The following PCDH7 variants were observed in gnomAD, a reference collection of about 807,000 sequenced individuals.
PCDH7 encodes protocadherin-7.
In PCDH7, 17 loss-of-function variants were observed where a neutral mutation model predicts 58.9. The observed-to-expected ratio is 0.29, with a 90% CI of 0.20 to 0.43. PCDH7 has a LOEUF of 0.43. Among genes scored for constraint, PCDH7 ranks in the 20% least tolerant of loss-of-function variants. The pLI, the probability that PCDH7 is intolerant of heterozygous loss-of-function variation, is 1.00. For synonymous variants in PCDH7, 664 were observed against 616.4 expected, an observed-to-expected ratio of 1.08 and a Z score of -1.14; for missense variants, 1,274 against 1,441.0, an observed-to-expected ratio of 0.88 and a Z score of 1.88.
At chr4:30,878,170 G>T (rs1396217988) in intron 1 of PCDH7, among the ~76,000 whole-genome samples, 6 of 152,016 alleles carry the variant, frequency 3.9e-5, no homozygotes, top group Admixed American at 1.3e-4. Flanking sequence ...TGGTGCAATG[G>T]GTTGACTCTA....
intron 1 of PCDH7, among the ~76,000 whole-genome samples, chr4:30,809,637 A>G (rs1197466591): frequency 1.3e-5 from 2 of 152,176 alleles, no homozygotes; most frequent in Non-Finnish European, 2.9e-5. Context: ...CTGAGGAAAA[A>G]CAATTTGTAG....
At chr4:30,914,826 G>A (rs1742221443) in intron 1 of PCDH7, among the ~76,000 whole-genome samples, 1 of 152,094 alleles carries the variant, frequency 6.6e-6, no homozygotes, top group African/African-American at 2.4e-5. Flanking sequence ...TACATACCCT[G>A]AGCCTAAGGC....
intron 1 of PCDH7, among the ~76,000 whole-genome samples, chr4:30,878,188 AG>A (rs1736526908): frequency 6.6e-6 from 1 of 152,114 alleles, no homozygotes; most frequent in Admixed American, 6.6e-5. Flanking sequence ...CTATGATTTT[AG>A]GTGAGGCCTC....
rs149348229 is a variant in PCDH7, at chr4:31,020,376, G to A, written c.*7+70161G>A. 1.7e-4 allele frequency among the ~76,000 whole-genome samples: 26 copies of A among 152,244 alleles called. No individual in the cohort carries two copies. In the South Asian group the frequency reaches 3.1e-3, roughly 18 times the overall value. ...CTCTCTCTCTCCCTCTCTCGCACGC[G>A]CGTGCACATGCACGTTCACCCTTGC... On this transcript the variant is annotated intron_variant, in intron 3 of 3. Transcript: ENST00000509759.
chr4:30,746,844 C>T (rs1030015588), intron 1 of PCDH7, among the ~76,000 whole-genome samples: 2 of 152,030 alleles, frequency 1.3e-5, no homozygotes, highest in Non-Finnish European at 2.9e-5. Context: ...TTATTCCTCT[C>T]CTTTCTTTCT....
intron 2 of PCDH7, among the ~76,000 whole-genome samples, chr4:30,931,691 A>G (rs1744624425): frequency 6.6e-6 from 1 of 151,936 alleles, no homozygotes; most frequent in Non-Finnish European, 1.5e-5. Flanking sequence ...GGAATTAAGA[A>G]CACACTTGAG....
chr4:30,733,548 C>A (rs1261572589), downstream of PCDH7, among the ~76,000 whole-genome samples: 2 of 152,132 alleles, frequency 1.3e-5, no homozygotes, highest in Non-Finnish European at 2.9e-5. Context: ...CTCCCTCAGC[C>A]TCTGAGTAGC....
chr4:30,950,633 T>C (rs1747262339), intron 3 of PCDH7, among the ~76,000 whole-genome samples: 1 of 152,206 alleles, frequency 6.6e-6, no homozygotes, highest in Non-Finnish European at 1.5e-5. Flanking sequence ...TTCAAAAGCA[T>C]TGCACAAAAT....
At chr4:30,792,000 CTA>C (rs1359151926) in intron 1 of PCDH7, among the ~76,000 whole-genome samples, 1 of 152,076 alleles carries the variant, frequency 6.6e-6, no homozygotes, top group African/African-American at 2.4e-5. Context: ...TTTAATGTGT[CTA>C]TTATATTTGA....
rs190119758 is a variant in PCDH7, at chr4:30,983,697, T to C, written c.*7+33482T>C. Among the ~76,000 whole-genome samples the C allele has an allele frequency of 3.9e-4, 59 of 152,326 alleles. 1 individual carries two copies. The highest frequency in any genetic ancestry group is 3.7e-3 in the Admixed American group (57 of 15,306). ...ATCAAGTGGCCATAATCAGTATGCA[T>C]TCCTTGTAGAATGGAAACATAAGTG... On this transcript the variant is annotated intron_variant, in intron 3 of 3. Coordinates refer to the PCDH7 transcript ENST00000509759.
In PCDH7 at chr4:30,997,722, C is replaced by A. The variant is rs529365258; in HGVS notation, c.*7+47507C>A. Among the ~76,000 whole-genome samples the A allele has an allele frequency of 3.9e-5, 6 of 152,076 alleles. No homozygotes were observed. The South Asian group carries it at 1.2e-3, about 32-fold the overall frequency. ...TTAGTACAGTTTGGCATTAGCATAGCGTGTTGGAGGTGATAATATATGCTG... is the reference window on the plus strand; with the variant it reads ...TTAGTACAGTTTGGCATTAGCATAGAGTGTTGGAGGTGATAATATATGCTG... On this transcript the variant is annotated intron_variant, in intron 3 of 3. Coordinates refer to the PCDH7 transcript ENST00000509759.
intron 1 of PCDH7, among the ~76,000 whole-genome samples, chr4:30,864,086 G>A (rs1398524588): frequency 2.0e-5 from 3 of 151,958 alleles, no homozygotes; most frequent in Admixed American, 1.3e-4. Context: ...CAACCAGAGA[G>A]GAAGTTGGTT....
downstream of PCDH7, among the ~76,000 whole-genome samples, chr4:30,733,947 A>C (rs1715880924): frequency 6.6e-6 from 1 of 152,224 alleles, no homozygotes; most frequent in African/African-American, 2.4e-5. Flanking sequence ...TGTGGGATTA[A>C]TTTGGAGATC....
In PCDH7 at chr4:30,893,595, A is replaced by T. The variant is rs1404383934; in HGVS notation, c.71-26558A>T. On this transcript the variant is annotated intron_variant, in intron 1 of 3. Transcript: ENST00000509759. ...GAGCTAATACTTCTGCAGAAATGTG[A>T]ATTGCTACATGTGAGGTCTGAAAGA... Among the ~76,000 whole-genome samples, 4 of 152,214 alleles carry T rather than the reference A, an allele frequency of 2.6e-5. No individual in the cohort carries two copies. The South Asian group carries it at 8.3e-4, about 32-fold the overall frequency.
chr4:31,122,024 C>T (rs61794140), intron 3 of PCDH7, among the ~76,000 whole-genome samples: 1 of 151,226 alleles, frequency 6.6e-6, no homozygotes, highest in South Asian at 2.1e-4. Flanking sequence ...TTTTTTTCCC[C>T]AAAAGAAGCA....
At chr4:31,122,807 T>A (rs978153306) in intron 3 of PCDH7, among the ~76,000 whole-genome samples, 1 of 152,054 alleles carries the variant, frequency 6.6e-6, no homozygotes, top group South Asian at 2.1e-4. Flanking sequence ...ATATAAAAAT[T>A]GTTTCTTTGG....
chr4:30,991,038 G>T (rs1751423597), intron 3 of PCDH7, among the ~76,000 whole-genome samples: 1 of 152,080 alleles, frequency 6.6e-6, no homozygotes, highest in African/African-American at 2.4e-5. Context: ...AGATGTAAAT[G>T]CTCACTGCTT....
At chr4:30,768,092 A>G (rs1210417072) in intron 1 of PCDH7, among the ~76,000 whole-genome samples, 1 of 152,212 alleles carries the variant, frequency 6.6e-6, no homozygotes, top group African/African-American at 2.4e-5. Context: ...ATTAATTTTA[A>G]TAATTTACTT....
chr4:31,072,911 G>A (rs565193152), intron 3 of PCDH7, among the ~76,000 whole-genome samples: 1 of 152,162 alleles, frequency 6.6e-6, no homozygotes, highest in African/African-American at 2.4e-5. Flanking sequence ...AGTATGGAAG[G>A]AAAAACAGAT....
Sources: allele counts gnomAD v4.1 joint callset (sites outside exome capture counted in the v4.1 genomes callset), GRCh38; gene constraint gnomAD v4.1.1; transcripts MANE v1.5; gene names NCBI Gene and HGNC (gene_info 2026-07-23, HGNC 2026-07-21).